Variants in CCM2 observed in about 807,000 individuals in gnomAD.
CCM2 encodes the protein CCM2 scaffold protein.
In CCM2, 25 loss-of-function variants were observed where a neutral mutation model predicts 44.9. The ratio of observed to expected loss-of-function variants is 0.56; its 90% confidence interval spans 0.41 to 0.78. The LOEUF (loss-of-function observed/expected upper bound fraction) is 0.78. Ranked by LOEUF, CCM2 falls within the 30% of genes least tolerant of loss-of-function variation. CCM2 has a pLI of 0.00. For synonymous variants in CCM2, 219 were observed against 241.1 expected (o/e 0.91, Z 0.85); for missense variants, 481 against 580.6 (o/e 0.83, Z 1.76).
chr7:45,045,887 A>G (rs1006747142), intron 2 of CCM2, among the ~76,000 whole-genome samples: 1 of 152,246 alleles, frequency 6.6e-6, no homozygotes, highest in African/African-American at 2.4e-5. Flanking sequence ...ACCATTCACA[A>G]TCACTTAAAA....
At chr7:45,038,526 A>G in intron 2 of CCM2, 100 bp downstream of exon 2, 1 of 1,197,210 alleles carries the variant, frequency 8.4e-7, no homozygotes, top group South Asian at 1.2e-5. Context: ...CAGCCACACA[A>G]ACACCTTAGT....
chr7:45,071,187 C>A (rs1339262289), intron 6 of CCM2: 1 of 152,428 alleles, frequency 6.6e-6, no homozygotes, highest in East Asian at 1.9e-4. Flanking sequence ...GAGGAATGTA[C>A]CATATGAGTA....
intron 2 of CCM2, among the ~76,000 whole-genome samples, chr7:45,051,267 G>T (rs1013895987): frequency 1.3e-5 from 2 of 152,160 alleles, no homozygotes; most frequent in African/African-American, 2.4e-5. Flanking sequence ...ATAGCACCAT[G>T]TAGCAACTAT....
intron 1 of CCM2, among the ~76,000 whole-genome samples, chr7:45,001,667 A>G (rs113957781): frequency 0.015 from 2,271 of 152,156 alleles, 30 homozygotes; most frequent in Non-Finnish European, 0.019. Flanking sequence ...TGGCCCATCT[A>G]CCTGTGTGTG....
At chr7:45,031,925 G>A (rs959078919) in intron 1 of CCM2, among the ~76,000 whole-genome samples, 1 of 152,078 alleles carries the variant, frequency 6.6e-6, no homozygotes, top group African/African-American at 2.4e-5. Context: ...ATCTGAGGTG[G>A]CTTCTTGTTC....
intron 1 of CCM2, among the ~76,000 whole-genome samples, chr7:45,007,362 C>T (rs897032114): frequency 1.3e-5 from 2 of 152,148 alleles, no homozygotes; most frequent in African/African-American, 4.8e-5. Context: ...TCTTTGTTAG[C>T]GCGCTTCGCA....
intron 1 of CCM2, among the ~76,000 whole-genome samples, chr7:45,032,572 T>C (rs934796816): frequency 6.6e-6 from 1 of 152,250 alleles, no homozygotes; most frequent in African/African-American, 2.4e-5. Flanking sequence ...TTCAGTTACT[T>C]TACTCTGGTC....
rs1797323213 is a variant in CCM2, at chr7:45,038,341, G to A, written c.119G>A (p.Arg40His). The A allele has an allele frequency of 6.8e-6, 11 of 1,613,904 alleles. No individual in the cohort carries two copies. The highest frequency in any genetic ancestry group is 9.3e-6 in the Non-Finnish European group (11 of 1,179,942). The change falls in exon 2 of 10, where the codon CGC becomes CAC. Residue 40 changes from arginine (R) to histidine (H), a missense_variant. Transcript: ENST00000258781. The stretch of plus-strand genomic sequence containing the variant: ...GCCCATGAGAAGGTGACAGAGAGGC[G>A]CCCTCTGCACACTGTGGTGTTGTCA... The part of the protein sequence containing the change: ...KKAHEKVTER[R>H]PLHTVVLSLP...
chr7:45,038,807 G>A (rs1797347265), intron 2 of CCM2, among the ~76,000 whole-genome samples: 1 of 152,174 alleles, frequency 6.6e-6, no homozygotes, highest in African/African-American at 2.4e-5. Flanking sequence ...AACAGTCACC[G>A]CCTAGAATTC....
intron 1 of CCM2, among the ~76,000 whole-genome samples, chr7:45,014,979 A>T (rs1360549687): frequency 6.6e-6 from 1 of 152,214 alleles, no homozygotes; most frequent in Non-Finnish European, 1.5e-5. Flanking sequence ...CATGTTGTGC[A>T]TCTGGCATCT....
At chr7:45,046,893 C>T (rs531970548) in intron 2 of CCM2, among the ~76,000 whole-genome samples, 14 of 152,056 alleles carry the variant, frequency 9.2e-5, no homozygotes, top group Admixed American at 3.3e-4. Flanking sequence ...ACAAACAATC[C>T]GATTAAGACA....
At chr7:45,072,627 C>A in intron 6 of CCM2, 99 bp from the exon 7 acceptor site, 1 of 901,916 alleles carries the variant, frequency 1.1e-6, no homozygotes, top group Non-Finnish European at 1.8e-6. Context: ...AAGACCAGGG[C>A]TGCCGCTGTC....
At chr7:45,014,263 C>G (rs918466704) in intron 1 of CCM2, among the ~76,000 whole-genome samples, 5 of 152,012 alleles carry the variant, frequency 3.3e-5, no homozygotes, top group Admixed American at 1.3e-4. Context: ...CCTCAGCCTC[C>G]CGAGCAGCTG....
intron 1 of CCM2, among the ~76,000 whole-genome samples, chr7:45,006,248 T>G (rs1795842749): frequency 6.6e-6 from 1 of 152,206 alleles, no homozygotes; most frequent in African/African-American, 2.4e-5. Context: ...CCTGCCTGTG[T>G]GGGCCGAATA....
At chr7:45,009,167 G>A (rs967180022) in intron 1 of CCM2, among the ~76,000 whole-genome samples, 2 of 151,652 alleles carry the variant, frequency 1.3e-5, no homozygotes, top group African/African-American at 2.4e-5. Flanking sequence ...AGGGCATGGT[G>A]GTGTGTGCCT....
chr7:45,063,698 A>T (rs557722566), intron 2 of CCM2, among the ~76,000 whole-genome samples: 1 of 152,246 alleles, frequency 6.6e-6, no homozygotes, highest in Non-Finnish European at 1.5e-5. Flanking sequence ...TTCACTGTAG[A>T]ATAGTAGGAG....
intron 6 of CCM2, chr7:45,071,894 ACT>A (rs1163671998): frequency 2.2e-6 from 1 of 456,048 alleles, no homozygotes; most frequent in African/African-American, 2.0e-5. Flanking sequence ...AGCATCCTTT[ACT>A]CCCCTTTGAA....
intron 9 of CCM2, among the ~76,000 whole-genome samples, chr7:45,074,940 T>C (rs1234471714): frequency 6.6e-6 from 1 of 152,236 alleles, no homozygotes; most frequent in Admixed American, 6.5e-5. Flanking sequence ...GTGGTTTCCC[T>C]CTGCCGACAC....
chr7:45,069,848 G>C lies in CCM2; in HGVS notation c.632G>C (p.Cys211Ser), dbSNP rs1798968884. ...ESKVAAEELC[C>S]LLGQVFQVVY... ...CAGGTCGCTGCGGAGGAGCTTTGCT[G>C]TCTGCTAGGCCAGGTCTTCCAGGTT... Residue 211 changes from cysteine to serine, a missense_variant, in exon 6 of 10, where the codon TGT becomes TCT. Physicochemically the swap from Cys to Ser is moderately radical, Grantham distance 112. Transcript: ENST00000258781. The C allele has an allele frequency of 1.2e-6, 2 of 1,614,218 alleles. No homozygotes were observed. Among genetic ancestry groups the C allele is most frequent in the Non-Finnish European group, 1.7e-6 (2 of 1,180,048 alleles).
Sources: gnomAD v4.1 joint callset for allele counts (sites outside exome capture counted in the v4.1 genomes callset) on GRCh38, gnomAD v4.1.1 for gene constraint, MANE v1.5 for transcripts, NCBI Gene and HGNC (gene_info 2026-07-23, HGNC 2026-07-21) for gene names.